The following CDH13 variants were observed in gnomAD, a reference collection of about 807,000 sequenced individuals.
CDH13 encodes the protein cadherin 13.
In CDH13, 24 loss-of-function variants were observed where a neutral mutation model predicts 63.8. That is an observed-to-expected ratio of 0.38 (90% CI 0.27 to 0.53). CDH13 has a LOEUF of 0.53. Ranked by LOEUF, CDH13 falls within the 20% of genes least tolerant of loss-of-function variation. The probability of loss-of-function intolerance (pLI) is 0.85; values close to 1 mark genes in which losing one functional copy is unlikely to be tolerated. For synonymous variants in CDH13, 503 were observed against 355.3 expected (o/e 1.42, Z -4.67); for missense variants, 1,049 against 903.1 (o/e 1.16, Z -2.07).
intron 10 of CDH13, among the ~76,000 whole-genome samples, chr16:83,687,645 A>T (rs1232978366): frequency 1.3e-5 from 2 of 152,202 alleles, no homozygotes; most frequent in Non-Finnish European, 2.9e-5. Context: ...TTTAATCTTC[A>T]AACATTGACT....
In CDH13 at chr16:83,780,175, A is replaced by C; in HGVS notation, c.1889A>C (p.Lys630Thr). The C allele has an allele frequency of 6.2e-7, 1 of 1,603,558 alleles. No homozygotes were observed. Among genetic ancestry groups the C allele is most frequent in the Non-Finnish European group, 8.5e-7 (1 of 1,173,682 alleles). Residue 630 changes from lysine to threonine, a missense_variant, in exon 12 of 14, where the codon AAA becomes ACA. Lys to Thr is a moderately conservative substitution (Grantham distance 78, BLOSUM62 -1). Coordinates refer to ENST00000567109, the MANE Select transcript of CDH13 (RefSeq NM_001257.5). ...FEIHKQAVPD[K>T]VWKISKINNT... The stretch of plus-strand genomic sequence containing the variant: ...ATCCACAAACAAGCTGTTCCTGATA[A>C]AGTCTGGAAGATCTCCAAGATCAAC...
intron 1 of CDH13, among the ~76,000 whole-genome samples, chr16:82,707,405 T>C (rs1250758849): frequency 6.6e-6 from 1 of 152,114 alleles, no homozygotes; most frequent in East Asian, 1.9e-4. Flanking sequence ...TGAGCAGGGG[T>C]ATAATGGTGC....
intron 7 of CDH13, among the ~76,000 whole-genome samples, chr16:83,593,243 C>T (rs551209749): frequency 6.6e-6 from 1 of 152,298 alleles, no homozygotes; most frequent in South Asian, 2.1e-4. Flanking sequence ...TACATCTTTG[C>T]TATGTAGCTC....
At chr16:83,003,729 A>C (rs766004405) in intron 2 of CDH13, among the ~76,000 whole-genome samples, 1 of 152,232 alleles carries the variant, frequency 6.6e-6, no homozygotes, top group South Asian at 2.1e-4. Flanking sequence ...GAAGATTACT[A>C]CGACCCTTGG....
intron 8 of CDH13, among the ~76,000 whole-genome samples, chr16:83,626,353 A>G (rs1303860067): frequency 6.6e-6 from 1 of 152,220 alleles, no homozygotes; most frequent in Non-Finnish European, 1.5e-5. Context: ...TGTGAATAAC[A>G]TGATTGGCGT....
chr16:82,842,149 TATATATATATATATACACACACACAC>T (rs2039059567), intron 1 of CDH13, among the ~76,000 whole-genome samples: 1 of 37,612 alleles, frequency 2.7e-5, no homozygotes, highest in Non-Finnish European at 6.0e-5. Context: ...CACATATATA[TATATATATATATATACACACACACAC>T]ATATATATAC....
chr16:83,283,458 G>A (rs2089233743), intron 5 of CDH13, among the ~76,000 whole-genome samples: 2 of 152,138 alleles, frequency 1.3e-5, no homozygotes, highest in African/African-American at 4.8e-5. Context: ...GGGCGTGGTG[G>A]TGCACACCTG....
At chr16:83,632,334 T>A (rs1910858921) in intron 8 of CDH13, among the ~76,000 whole-genome samples, 1 of 152,176 alleles carries the variant, frequency 6.6e-6, no homozygotes, top group African/African-American at 2.4e-5. Context: ...TCAGCCCCTC[T>A]TAGGTATTGC....
intron 6 of CDH13, among the ~76,000 whole-genome samples, chr16:83,374,186 C>T (rs528108774): frequency 1.3e-5 from 2 of 152,288 alleles, no homozygotes; most frequent in African/African-American, 4.8e-5. Flanking sequence ...TAGTCCAACC[C>T]CTTAGCCTGC....
At chr16:83,515,857 G>T in intron 7 of CDH13, among the ~76,000 whole-genome samples, 1 of 152,086 alleles carries the variant, frequency 6.6e-6, no homozygotes, top group East Asian at 1.9e-4. Context: ...CACATTAAAA[G>T]ATTGCCTATA....
chr16:82,760,292 T>C (rs990938714), intron 1 of CDH13, among the ~76,000 whole-genome samples: 1 of 152,044 alleles, frequency 6.6e-6, no homozygotes, highest in African/African-American at 2.4e-5. Flanking sequence ...GTTATCAAAA[T>C]AACAGGGAGA....
At chr16:82,953,433 A>T (rs1286005677) in intron 2 of CDH13, 1 of 152,154 alleles carries the variant, frequency 6.6e-6, no homozygotes, top group Non-Finnish European at 1.5e-5. Flanking sequence ...TCTGCAAGCT[A>T]TTTTAAATAT....
chr16:82,872,977 G>A (rs1415022517), intron 2 of CDH13, among the ~76,000 whole-genome samples: 1 of 152,144 alleles, frequency 6.6e-6, no homozygotes, highest in Non-Finnish European at 1.5e-5. Context: ...AAACCCTTGA[G>A]AACACAGGAA....
At chr16:82,737,189 C>T (rs2033715642) in intron 1 of CDH13, among the ~76,000 whole-genome samples, 1 of 152,210 alleles carries the variant, frequency 6.6e-6, no homozygotes, top group Non-Finnish European at 1.5e-5. Context: ...CATGTGAACT[C>T]ATCATATCAG....
rs192352687 is a variant in CDH13, at chr16:83,285,511, A to G, written c.637-59351A>G. Among the ~76,000 whole-genome samples, 687 of 148,148 alleles carry G rather than the reference A, an allele frequency of 4.6e-3. 4 individuals carry two copies. The highest frequency in any genetic ancestry group is 0.017 in the African/African-American group (653 of 38,492). On this transcript the variant is annotated intron_variant, in intron 5 of 13. Transcript: ENST00000567109. ...AACCAGTGATGGAAAATATTCAGGGAAAAAAAAACAGTAAAAATAACACCA... is the reference window on the plus strand; with the variant it reads ...AACCAGTGATGGAAAATATTCAGGGGAAAAAAAACAGTAAAAATAACACCA...
intron 1 of CDH13, among the ~76,000 whole-genome samples, chr16:82,753,013 C>T (rs114313578): frequency 2.1e-4 from 32 of 152,294 alleles, no homozygotes; most frequent in African/African-American, 7.0e-4. Context: ...ATTGCCTTTG[C>T]TTTTAAGATT....
At chr16:83,024,925 A>C (rs1915661487) in intron 2 of CDH13, among the ~76,000 whole-genome samples, 1 of 152,224 alleles carries the variant, frequency 6.6e-6, no homozygotes, top group Non-Finnish European at 1.5e-5. Flanking sequence ...CCTGAATCAG[A>C]ATCATCAGCC....
chr16:82,648,831 A>G (rs1910401575), intron 1 of CDH13, among the ~76,000 whole-genome samples: 1 of 152,240 alleles, frequency 6.6e-6, no homozygotes, highest in Admixed American at 6.5e-5. Flanking sequence ...GAATAACATA[A>G]TGGAAAATGT....
chr16:82,878,748 A>C (rs1325889501), intron 2 of CDH13, among the ~76,000 whole-genome samples: 3 of 151,768 alleles, frequency 2.0e-5, no homozygotes, highest in Non-Finnish European at 4.4e-5. Flanking sequence ...TGAGAATAAA[A>C]ATTCAGATAT....
Sources: gnomAD v4.1 joint callset for allele counts (sites outside exome capture counted in the v4.1 genomes callset) on GRCh38, gnomAD v4.1.1 for gene constraint, MANE v1.5 for transcripts, NCBI Gene and HGNC (gene_info 2026-07-23, HGNC 2026-07-21) for gene names.